UBE2E1: variants seen among roughly 807,000 people sequenced by gnomAD.
UBE2E1 encodes the protein ubiquitin-conjugating enzyme E2 E1.
Under a neutral mutation model 21.4 loss-of-function variants are expected in UBE2E1, and 6 were observed. The observed-to-expected ratio is 0.28, with a 90% CI of 0.15 to 0.55. The LOEUF (loss-of-function observed/expected upper bound fraction) is 0.55. Ranked by LOEUF, UBE2E1 falls within the 20% of genes least tolerant of loss-of-function variation. The pLI is 0.93. For synonymous variants in UBE2E1, 87 were observed against 82.7 expected, an observed-to-expected ratio of 1.05 and a Z score of -0.28; for missense variants, 142 against 236.5, an observed-to-expected ratio of 0.60 and a Z score of 2.62.
chr3:23,807,076 T>C (rs548490620), intron 1 of UBE2E1, 161 bp from the exon 2 acceptor site: 41 of 525,162 alleles, frequency 7.8e-5, no homozygotes, highest in South Asian at 5.4e-4. Flanking sequence ...CGCGTCCGAT[T>C]TGCAAAAGCC....
At chr3:23,852,077 A>G (rs1700337960) in intron 3 of UBE2E1, among the ~76,000 whole-genome samples, 1 of 152,074 alleles carries the variant, frequency 6.6e-6, no homozygotes, top group African/African-American at 2.4e-5. Context: ...CTCTCCCTTC[A>G]TCTTCTGCCA....
At chr3:23,811,055 A>G (rs1036500647) in intron 2 of UBE2E1, 1 of 206,114 alleles carries the variant, frequency 4.9e-6, no homozygotes, top group Non-Finnish European at 9.9e-6. Context: ...GAAAGGGGCA[A>G]GGGAGGCTGG....
intron 3 of UBE2E1, among the ~76,000 whole-genome samples, chr3:23,883,264 A>G (rs1701097115): frequency 6.6e-6 from 1 of 152,190 alleles, no homozygotes; most frequent in Non-Finnish European, 1.5e-5. Flanking sequence ...CTTCTGGAGG[A>G]GACAGGAGAT....
intron 3 of UBE2E1, among the ~76,000 whole-genome samples, chr3:23,886,881 GGT>G (rs1219167885): frequency 6.6e-6 from 1 of 152,194 alleles, no homozygotes; most frequent in Non-Finnish European, 1.5e-5. Flanking sequence ...GCTTTAGAAT[GGT>G]ATTGTGGCCA....
chr3:23,829,733 C>T (rs960329254), intron 3 of UBE2E1, among the ~76,000 whole-genome samples: 3 of 152,124 alleles, frequency 2.0e-5, no homozygotes, highest in Admixed American at 6.5e-5. Context: ...TCTAGAAGAG[C>T]GGTTAGAAAT....
intron 4 of UBE2E1, among the ~76,000 whole-genome samples, chr3:23,888,655 T>C (rs916133015): frequency 2.6e-5 from 4 of 152,222 alleles, no homozygotes; most frequent in Admixed American, 2.0e-4. Flanking sequence ...TCTTCAAATT[T>C]TGTTCAGCCT....
chr3:23,843,834 G>A (rs922947322), intron 3 of UBE2E1, among the ~76,000 whole-genome samples: 18 of 152,182 alleles, frequency 1.2e-4, no homozygotes, highest in African/African-American at 4.1e-4. Flanking sequence ...AACAAACTGT[G>A]TCCAAAACTT....
At chr3:23,873,332 T>A (rs963488801) in intron 3 of UBE2E1, among the ~76,000 whole-genome samples, 18 of 152,348 alleles carry the variant, frequency 1.2e-4, no homozygotes, top group African/African-American at 3.8e-4. Flanking sequence ...GGCATCTTTA[T>A]CCTTCAAATT....
At position 23,816,241 on chromosome 3, in the gene UBE2E1, G is replaced by A. The variant is rs142076558; in HGVS notation, c.203+4731G>A. Among the ~76,000 whole-genome samples the A allele has an allele frequency of 1.9e-3, 295 of 152,302 alleles. 1 individual carries two copies. The highest frequency in any genetic ancestry group is 6.8e-3 in the African/African-American group (281 of 41,570). ...AAACAGAGGCTCAAACAGATAACCT[G>A]TATGTCAGTATTCATAGCATTATTC... On this transcript the variant is annotated intron_variant, in intron 3 of 5. Coordinates refer to ENST00000306627, the MANE Select transcript of UBE2E1 (RefSeq NM_003341.5). This position sits in a 1 kb window ranked among gnomAD's most constrained non-coding sequence, Gnocchi z 4.8.
At chr3:23,873,617 G>C (rs1470852875) in intron 3 of UBE2E1, among the ~76,000 whole-genome samples, 1 of 152,092 alleles carries the variant, frequency 6.6e-6, no homozygotes, top group Non-Finnish European at 1.5e-5. Flanking sequence ...ATGGTGGCGT[G>C]TGCCTGTAAT....
At chr3:23,807,552 G>T in intron 2 of UBE2E1, 131 bp downstream of exon 2, 1 of 1,130,750 alleles carries the variant, frequency 8.8e-7, no homozygotes, top group Non-Finnish European at 1.2e-6. Flanking sequence ...TGAAAGAAGG[G>T]CCTTGGAAGC....
intron 3 of UBE2E1, among the ~76,000 whole-genome samples, chr3:23,873,300 G>A (rs1030602655): frequency 6.6e-6 from 1 of 152,156 alleles, no homozygotes; most frequent in African/African-American, 2.4e-5. Context: ...CCCTGATGAT[G>A]TAAATGCTAC....
intron 3 of UBE2E1, among the ~76,000 whole-genome samples, chr3:23,886,231 A>G (rs73034802): frequency 0.018 from 2,687 of 152,302 alleles, 60 homozygotes; most frequent in Non-Finnish European, 0.024. Flanking sequence ...CAAGTTTTTA[A>G]TAGTTTTTGG....
intron 4 of UBE2E1, chr3:23,888,347 G>A: frequency 2.4e-6 from 1 of 424,672 alleles, no homozygotes; most frequent in Non-Finnish European, 4.7e-6. Context: ...TGGGGATTAG[G>A]TAGACTGCCA....
rs932015004 is a variant in UBE2E1, at chr3:23,816,999, A to G, written c.203+5489A>G. ...TGGTTAAAATGGCAAATTTCATGTT[A>G]TATATATTTTATCACAATAAACAGT... is the stretch of plus-strand genomic sequence containing the variant. On this transcript the variant is annotated intron_variant, in intron 3 of 5. Coordinates refer to ENST00000306627, the MANE Select transcript of UBE2E1 (RefSeq NM_003341.5). The surrounding 1 kb of genome is among the most constrained non-coding windows in gnomAD (Gnocchi z 4.8). 1.3e-5 allele frequency among the ~76,000 whole-genome samples: 2 copies of G among 152,248 alleles called. No individual in the cohort carries two copies. Among genetic ancestry groups the G allele is most frequent in the Non-Finnish European group, 2.9e-5 (2 of 68,040 alleles).
intron 3 of UBE2E1, among the ~76,000 whole-genome samples, chr3:23,814,510 A>C (rs751388830): frequency 6.6e-6 from 1 of 151,980 alleles, no homozygotes; most frequent in East Asian, 1.9e-4. Context: ...ATATGCATAC[A>C]CACACACACA....
intron 3 of UBE2E1, among the ~76,000 whole-genome samples, chr3:23,831,895 C>A (rs1228720233): frequency 6.6e-6 from 1 of 152,100 alleles, no homozygotes; most frequent in Non-Finnish European, 1.5e-5. Flanking sequence ...AGGGTTTCAC[C>A]ATGTTGGCCA....
chr3:23,830,816 C>T (rs1032236377), intron 3 of UBE2E1, among the ~76,000 whole-genome samples: 5 of 152,190 alleles, frequency 3.3e-5, no homozygotes, highest in Non-Finnish European at 7.3e-5. Flanking sequence ...TTTAGATCCC[C>T]CTTGGAGGTG....
chr3:23,827,563 G>A (rs1699784375), intron 3 of UBE2E1, among the ~76,000 whole-genome samples: 1 of 152,146 alleles, frequency 6.6e-6, no homozygotes, highest in Non-Finnish European at 1.5e-5. Flanking sequence ...CTCTTAAGTG[G>A]AGAAGCTGGT....
Sources: gnomAD v4.1 joint callset for allele counts (sites outside exome capture counted in the v4.1 genomes callset) on GRCh38, gnomAD v4.1.1 for gene constraint, Gnocchi (gnomAD v3.1) non-coding constraint, MANE v1.5 for transcripts, NCBI Gene and HGNC (gene_info 2026-07-23, HGNC 2026-07-21) for gene names.